CNTN3: variants seen among roughly 807,000 people sequenced by gnomAD.
CNTN3 encodes contactin-3.
CNTN3 carries 60 observed loss-of-function variants against 119.1 expected under a neutral mutation model. The ratio of observed to expected loss-of-function variants is 0.50; its 90% confidence interval spans 0.41 to 0.62. The LOEUF (loss-of-function observed/expected upper bound fraction) is 0.62, where lower values mean the gene tolerates loss of function less well. Ranked by LOEUF, CNTN3 falls within the 20% of genes least tolerant of loss-of-function variation. CNTN3 has a pLI of 0.00. For synonymous variants in CNTN3, 450 were observed against 438.7 expected (o/e 1.03, Z -0.32); for missense variants, 1,101 against 1,242.4 (o/e 0.89, Z 1.71).
chr3:74,560,708 TAA>T (rs1704139501), intron 1 of CNTN3, among the ~76,000 whole-genome samples: 2 of 152,010 alleles, frequency 1.3e-5, no homozygotes, highest in South Asian at 2.1e-4. Context: ...CATACTGCTA[TAA>T]AGACACATGC....
chr3:74,355,494 G>C (rs1703914219), intron 11 of CNTN3, among the ~76,000 whole-genome samples: 1 of 151,806 alleles, frequency 6.6e-6, no homozygotes, highest in Admixed American at 6.6e-5. Flanking sequence ...TCACTCTGTT[G>C]CCCAGGCTGG....
chr3:74,490,472 G>T (rs7610815), intron 3 of CNTN3, among the ~76,000 whole-genome samples: 3,358 of 152,136 alleles, frequency 0.022, 43 homozygotes, highest in South Asian at 0.07. Flanking sequence ...TTTAGCTGAA[G>T]AATAATCAAG....
chr3:74,579,916 AT>A (rs1195203816), intron 1 of CNTN3, among the ~76,000 whole-genome samples: 1 of 152,154 alleles, frequency 6.6e-6, no homozygotes, highest in Non-Finnish European at 1.5e-5. Flanking sequence ...AGGACAAATA[AT>A]AGAGAAAATC....
chr3:74,564,096 A>G (rs1003599319), intron 1 of CNTN3, among the ~76,000 whole-genome samples: 6 of 152,180 alleles, frequency 3.9e-5, no homozygotes, highest in African/African-American at 1.4e-4. Flanking sequence ...TTGTTAGCCA[A>G]GTGACAAGGG....
At chr3:74,483,370 C>T (rs751234480) in intron 4 of CNTN3, among the ~76,000 whole-genome samples, 1 of 152,052 alleles carries the variant, frequency 6.6e-6, no homozygotes, top group Non-Finnish European at 1.5e-5. Context: ...CAGTACCAAA[C>T]AAAGAAAATG....
intron 13 of CNTN3, among the ~76,000 whole-genome samples, chr3:74,312,307 C>A (rs945334208): frequency 6.6e-6 from 1 of 151,388 alleles, no homozygotes. Context: ...ATACAAAAAA[C>A]TAGCCAGGCG....
At chr3:74,337,721 T>C (rs1327419911) in intron 11 of CNTN3, among the ~76,000 whole-genome samples, 1 of 152,132 alleles carries the variant, frequency 6.6e-6, no homozygotes, top group Non-Finnish European at 1.5e-5. Context: ...TTATGGAAGC[T>C]ACAATTTAAG....
At chr3:74,427,980 T>G (rs181515391) in intron 4 of CNTN3, among the ~76,000 whole-genome samples, 49 of 152,278 alleles carry the variant, frequency 3.2e-4, no homozygotes, top group Middle Eastern at 3.4e-3. Context: ...TACACTGTCA[T>G]ATGCTGTAGA....
chr3:74,377,359 A>T (rs183529296), intron 5 of CNTN3, among the ~76,000 whole-genome samples: 1 of 152,276 alleles, frequency 6.6e-6, no homozygotes, highest in East Asian at 1.9e-4. Context: ...TGATTTATGC[A>T]TTATGAATAT....
At chr3:74,362,890 G>A (rs1294206579) in intron 10 of CNTN3, among the ~76,000 whole-genome samples, 1 of 152,128 alleles carries the variant, frequency 6.6e-6, no homozygotes, top group East Asian at 1.9e-4. Context: ...TGTGATTGTG[G>A]TAAAGAAAAC....
At chr3:74,330,365 A>T (rs1019568998) in intron 13 of CNTN3, among the ~76,000 whole-genome samples, 2 of 152,068 alleles carry the variant, frequency 1.3e-5, no homozygotes, top group Non-Finnish European at 2.9e-5. Context: ...CAAAAAAAAA[A>T]AAAAAGTTTC....
At chr3:74,314,031 C>A (rs182308383) in intron 13 of CNTN3, among the ~76,000 whole-genome samples, 1 of 152,254 alleles carries the variant, frequency 6.6e-6, no homozygotes, top group East Asian at 1.9e-4. Context: ...TCAACTCCAA[C>A]CCCATTCATG....
chr3:74,324,216 C>CT (rs5850169), intron 13 of CNTN3, among the ~76,000 whole-genome samples: 5,630 of 110,152 alleles, frequency 0.051, 301 homozygotes, highest in African/African-American at 0.12. Flanking sequence ...TCTTCTTCTT[C>CT]TTTTTTTTTT....
chr3:74,330,858 A>T (rs944747219), intron 13 of CNTN3, among the ~76,000 whole-genome samples: 6 of 152,130 alleles, frequency 3.9e-5, no homozygotes, highest in Non-Finnish European at 2.9e-5. Flanking sequence ...AAAAAAAATT[A>T]AAAACAGAAA....
chr3:74,465,494 C>G (rs1394170444), intron 4 of CNTN3, among the ~76,000 whole-genome samples: 1 of 152,154 alleles, frequency 6.6e-6, no homozygotes, highest in Non-Finnish European at 1.5e-5. Flanking sequence ...TTAAACAGCA[C>G]TGAAATGATT....
intron 1 of CNTN3, among the ~76,000 whole-genome samples, chr3:74,534,786 G>A (rs895199320): frequency 6.6e-6 from 1 of 151,922 alleles, no homozygotes; most frequent in South Asian, 2.1e-4. Context: ...AGTCTTGGGC[G>A]AGTTATTAGA....
rs552962951 is a variant in CNTN3, at chr3:74,267,246, T to C, written c.2817+20A>G. The C allele has an allele frequency of 7.2e-6, 11 of 1,537,672 alleles. No individual in the cohort carries two copies. Among genetic ancestry groups the C allele is most frequent in the South Asian group, 2.2e-5 (2 of 89,100 alleles). The stretch of plus-strand genomic sequence containing the variant: ...CTGCCAAAATTACGAAAATGAAGCA[T>C]TGCAAATGAGAAAACTTACTTTATA... On this transcript the variant is annotated intron_variant, in intron 21 of 22. Coordinates refer to ENST00000263665, the MANE Select transcript of CNTN3 (RefSeq NM_020872.3).
intron 22 of CNTN3, among the ~76,000 whole-genome samples, chr3:74,264,707 A>G (rs981277037): frequency 1.3e-5 from 2 of 152,080 alleles, no homozygotes; most frequent in Non-Finnish European, 2.9e-5. Context: ...CTCCCCTCCA[A>G]AACTGTGAGA....
At chr3:74,611,134 A>G (rs933727967) in intron 1 of CNTN3, among the ~76,000 whole-genome samples, 4 of 152,240 alleles carry the variant, frequency 2.6e-5, no homozygotes, top group Non-Finnish European at 4.4e-5. Context: ...TAGATAATCT[A>G]TGTCTTCAAA....
Sources: allele counts gnomAD v4.1 joint callset (sites outside exome capture counted in the v4.1 genomes callset), GRCh38; gene constraint gnomAD v4.1.1; transcripts MANE v1.5; gene names NCBI Gene and HGNC (gene_info 2026-07-23, HGNC 2026-07-21).